Variants in PLCH1 observed in about 807,000 individuals in gnomAD.
PLCH1 encodes the protein 1-phosphatidylinositol 4,5-bisphosphate phosphodiesterase eta-1.
A neutral mutation model predicts 126.7 loss-of-function variants in PLCH1; 60 were observed. The observed-to-expected ratio is 0.47, with a 90% confidence interval of 0.38 to 0.59. The LOEUF is 0.59. Among genes scored for constraint, PLCH1 ranks in the 20% least tolerant of loss-of-function variants. PLCH1 has a pLI of 0.00. For missense variants in PLCH1, 1,723 were observed against 2,040.0 expected (o/e 0.84, Z 2.99); for synonymous variants, 719 against 734.9 (o/e 0.98, Z 0.35).
Position 155,552,315 on chromosome 3 carries a change from T to C in PLCH1, c.1190+1761A>G, listed in dbSNP as rs113396335. The stretch of plus-strand genomic sequence containing the variant: ...AATAAGAGATTGCTCATATTTTCAG[T>C]GAGTTCACAGTCTTACAGATGTAAA... On this transcript the variant is annotated intron_variant, in intron 9 of 22. Transcript: ENST00000460012. Among the ~76,000 whole-genome samples, 986 of 152,270 alleles carry C rather than the reference T, an allele frequency of 6.5e-3. 5 individuals carry two copies. The highest frequency in any genetic ancestry group is 0.01 in the Middle Eastern group (3 of 294).
chr3:155,486,297 A>G, intron 21 of PLCH1: 1 of 738,786 alleles, frequency 1.4e-6, no homozygotes, highest in Non-Finnish European at 2.3e-6. Context: ...AAATGCATAC[A>G]TGTCTATAAA....
chr3:155,485,897 T>G (rs1370076404), intron 21 of PLCH1, 187 bp from the exon 22 acceptor site: 2 of 601,602 alleles, frequency 3.3e-6, no homozygotes, highest in African/African-American at 3.7e-5. Context: ...TTATCAACCT[T>G]ACTTTGCAAG....
intron 2 of PLCH1, among the ~76,000 whole-genome samples, chr3:155,644,987 CACAGT>C (rs1739856089): frequency 6.6e-6 from 1 of 152,160 alleles, no homozygotes; most frequent in Admixed American, 6.5e-5. Context: ...ACTTCATTTA[CACAGT>C]ACTTCCTAAT....
chr3:155,713,997 T>C (rs1232404074), intron 1 of PLCH1, among the ~76,000 whole-genome samples: 1 of 152,210 alleles, frequency 6.6e-6, no homozygotes, highest in Non-Finnish European at 1.5e-5. Context: ...TTCCTTCTTC[T>C]TAAGCCTTGC....
intron 2 of PLCH1, among the ~76,000 whole-genome samples, chr3:155,674,112 C>T (rs958139054): frequency 6.6e-6 from 1 of 152,060 alleles, no homozygotes; most frequent in Non-Finnish European, 1.5e-5. Context: ...ATAAAAACAC[C>T]TTCCTTACAT....
chr3:155,598,165 C>T (rs1286035513), intron 2 of PLCH1, among the ~76,000 whole-genome samples: 4 of 151,634 alleles, frequency 2.6e-5, no homozygotes, highest in African/African-American at 9.7e-5. Flanking sequence ...GCCTGGGCAA[C>T]AGGAGCAAAA....
chr3:155,597,643 A>G (rs917118855), intron 2 of PLCH1, among the ~76,000 whole-genome samples: 1 of 152,190 alleles, frequency 6.6e-6, no homozygotes, highest in Non-Finnish European at 1.5e-5. Context: ...TAAATATTTT[A>G]TCTTAACTAG....
intron 2 of PLCH1, among the ~76,000 whole-genome samples, chr3:155,643,242 C>T (rs578059801): frequency 2.0e-5 from 3 of 152,276 alleles, no homozygotes; most frequent in African/African-American, 7.2e-5. Flanking sequence ...AGCCACCAAA[C>T]CTGGCCCCAA....
intron 6 of PLCH1, among the ~76,000 whole-genome samples, chr3:155,582,568 G>A (rs1393467808): frequency 6.6e-6 from 1 of 152,030 alleles, no homozygotes; most frequent in African/African-American, 2.4e-5. Context: ...ACTGATTATT[G>A]TACTATATAG....
intron 2 of PLCH1, among the ~76,000 whole-genome samples, chr3:155,675,426 T>C (rs919052080): frequency 6.6e-6 from 1 of 152,228 alleles, no homozygotes; most frequent in African/African-American, 2.4e-5. Context: ...CTCCTGGAGC[T>C]GACAGGCTGT....
rs556391297 is a variant in PLCH1, at chr3:155,481,145, G to A, written c.4881C>T (p.Ile1627=). The A allele has an allele frequency of 9.3e-6, 15 of 1,614,222 alleles. No homozygotes were observed. Among genetic ancestry groups the A allele is most frequent in the Admixed American group, 3.3e-5 (2 of 60,036 alleles). Residue 1627 remains isoleucine (I), a synonymous_variant, in exon 23 of 23, where the codon ATC becomes ATT. Coordinates refer to ENST00000460012, the MANE Select transcript of PLCH1 (RefSeq NM_014996.4). The surrounding 1 kb of genome is among the most constrained non-coding windows in gnomAD (Gnocchi z 4.2). The part of the protein sequence containing the change: ...AVNRHSTGSY[I]AGYLKNTKGG... ...CTTTCGTGTTCTTCAGGTAGCCTGCGATGTAGGAGCCGGTGGAGTGGCGAT... is the reference window on the plus strand; with the variant it reads ...CTTTCGTGTTCTTCAGGTAGCCTGCAATGTAGGAGCCGGTGGAGTGGCGAT...
In PLCH1 at chr3:155,589,537, C is replaced by T. The variant is rs151322200; in HGVS notation, c.471-3343G>A. 2.5e-4 allele frequency among the ~76,000 whole-genome samples: 38 copies of T among 151,984 alleles called. 1 individual carries two copies. The East Asian group carries it at 4.6e-3, about 19-fold the overall frequency. On this transcript the variant is annotated intron_variant, in intron 4 of 22. Transcript: ENST00000460012. ...GGGCCAGATTTGCCCAGCAGTTTGACGGGGGAAGAATAAGGTCTGGATTTA... is the reference window on the plus strand; with the variant it reads ...GGGCCAGATTTGCCCAGCAGTTTGATGGGGGAAGAATAAGGTCTGGATTTA...
chr3:155,665,835 A>G (rs901800365), intron 2 of PLCH1, among the ~76,000 whole-genome samples: 18 of 152,248 alleles, frequency 1.2e-4, no homozygotes, highest in Non-Finnish European at 2.4e-4. Flanking sequence ...TCATACTCAA[A>G]GATAACCAGT....
chr3:155,740,933 G>A (rs954835161), intron 1 of PLCH1, among the ~76,000 whole-genome samples: 2 of 152,088 alleles, frequency 1.3e-5, no homozygotes, highest in Non-Finnish European at 2.9e-5. Context: ...CTATAATAAG[G>A]CATAGGCACT....
At chr3:155,543,389 G>A (rs1436698615) in intron 10 of PLCH1, among the ~76,000 whole-genome samples, 31 of 152,210 alleles carry the variant, frequency 2.0e-4, no homozygotes, top group Admixed American at 1.5e-3. Flanking sequence ...GGGACTATGT[G>A]AAAAGACCAA....
At chr3:155,467,737 T>C (rs1712985851) in intron 21 of PLCH1, among the ~76,000 whole-genome samples, 1 of 152,164 alleles carries the variant, frequency 6.6e-6, no homozygotes, top group Admixed American at 6.5e-5. Context: ...TACCCTAAAA[T>C]AGTATAACTG....
intron 18 of PLCH1, among the ~76,000 whole-genome samples, chr3:155,492,127 T>G (rs1313255468): frequency 6.6e-6 from 1 of 152,040 alleles, no homozygotes; most frequent in Non-Finnish European, 1.5e-5. Context: ...ACAAAGAACC[T>G]GAAGTAATGG....
intron 2 of PLCH1, among the ~76,000 whole-genome samples, chr3:155,632,054 G>C (rs1278199496): frequency 1.3e-5 from 2 of 152,140 alleles, no homozygotes; most frequent in African/African-American, 4.8e-5. Context: ...ACCTAAGCCA[G>C]TCTGGCCAGC....
intron 2 of PLCH1, among the ~76,000 whole-genome samples, chr3:155,615,698 C>A (rs902738314): frequency 6.6e-6 from 1 of 151,874 alleles, no homozygotes; most frequent in Non-Finnish European, 1.5e-5. Context: ...TTCTCACTTA[C>A]AAGTGGGAGC....
Sources: allele counts gnomAD v4.1 joint callset (sites outside exome capture counted in the v4.1 genomes callset), GRCh38; gene constraint gnomAD v4.1.1; non-coding constraint Gnocchi (gnomAD v3.1); transcripts MANE v1.5; gene names NCBI Gene and HGNC (gene_info 2026-07-23, HGNC 2026-07-21).